Variants in OPN5 observed in about 807,000 individuals in gnomAD.
OPN5 encodes opsin-5.
OPN5 carries 18 observed loss-of-function variants against 41.7 expected under a neutral mutation model. The observed-to-expected ratio is 0.43, with a 90% confidence interval of 0.30 to 0.64. OPN5 has a LOEUF of 0.64. Ranked by LOEUF, OPN5 falls within the 30% of genes least tolerant of loss-of-function variation. The pLI is 0.13. For missense variants in OPN5, 318 were observed against 434.5 expected, an observed-to-expected ratio of 0.73 and a Z score of 2.38; for synonymous variants, 178 against 164.3, an observed-to-expected ratio of 1.08 and a Z score of -0.64.
chr6:47,802,976 T>G (rs905568816), intron 4 of OPN5, among the ~76,000 whole-genome samples: 2 of 152,172 alleles, frequency 1.3e-5, no homozygotes, highest in South Asian at 4.1e-4. Flanking sequence ...TTTTTTGAAG[T>G]ATGAATTCAT....
chr6:47,803,360 C>G (rs1446949061), intron 4 of OPN5, among the ~76,000 whole-genome samples: 1 of 152,098 alleles, frequency 6.6e-6, no homozygotes, highest in Non-Finnish European at 1.5e-5. Context: ...GAATTACTGT[C>G]TTTTAATATT....
chr6:47,826,232 C>T (rs1188059864), downstream of OPN5: 3 of 152,102 alleles, frequency 2.0e-5, no homozygotes, highest in African/African-American at 7.2e-5. Flanking sequence ...TTCCCCATCT[C>T]TCCCCATTAT....
intron 4 of OPN5, among the ~76,000 whole-genome samples, chr6:47,802,278 G>C (rs966187334): frequency 2.0e-5 from 3 of 152,082 alleles, no homozygotes; most frequent in African/African-American, 7.2e-5. Context: ...ATCAGAACCA[G>C]TTCTCAGTCA....
At chr6:47,788,232 G>A (rs1425883435) in intron 2 of OPN5, among the ~76,000 whole-genome samples, 1 of 152,214 alleles carries the variant, frequency 6.6e-6, no homozygotes, top group Admixed American at 6.5e-5. Context: ...ACGCGATGGC[G>A]CTGTCGCAAC....
chr6:47,787,465 TA>T (rs1349700823), intron 2 of OPN5, among the ~76,000 whole-genome samples: 1 of 152,248 alleles, frequency 6.6e-6, no homozygotes, highest in Non-Finnish European at 1.5e-5. Context: ...AGATGGACTC[TA>T]ATCTGTCTTT....
intron 4 of OPN5, 57 bp from the exon 5 acceptor site, chr6:47,808,097 G>T: frequency 6.3e-7 from 1 of 1,589,898 alleles, no homozygotes; most frequent in South Asian, 1.1e-5. Flanking sequence ...CATCGTTTCA[G>T]ACTCATGTCC....
At chr6:47,787,914 GAT>G (rs1773242047) in intron 2 of OPN5, among the ~76,000 whole-genome samples, 2 of 152,038 alleles carry the variant, frequency 1.3e-5, no homozygotes, top group South Asian at 4.1e-4. Flanking sequence ...AGAGTTTTCC[GAT>G]ATTTGTTTCT....
intron 6 of OPN5, among the ~76,000 whole-genome samples, chr6:47,812,051 G>T (rs1774226933): frequency 6.6e-6 from 1 of 152,164 alleles, no homozygotes; most frequent in Admixed American, 6.6e-5. Context: ...ATATTAGGGG[G>T]TTATTTAATT....
exon 7 of OPN5, chr6:47,824,215 A>G: frequency 1.8e-6 from 1 of 568,990 alleles, no homozygotes; most frequent in South Asian, 2.5e-5. Context: ...CAGAGTTATA[A>G]CTAAAGAGTG....
intron 4 of OPN5, among the ~76,000 whole-genome samples, chr6:47,803,155 G>A (rs933451964): frequency 2.0e-5 from 3 of 152,074 alleles, no homozygotes; most frequent in African/African-American, 7.2e-5. Flanking sequence ...CACACTCAAA[G>A]CTGTCAAATT....
chr6:47,790,395 C>T (rs73469763), intron 2 of OPN5, among the ~76,000 whole-genome samples: 2 of 146,732 alleles, frequency 1.4e-5, no homozygotes, highest in Non-Finnish European at 3.0e-5. Flanking sequence ...AGGGGACACT[C>T]TCTCTCTCTT....
chr6:47,796,608 CCAAT>C (rs1263381798), intron 4 of OPN5, among the ~76,000 whole-genome samples: 1 of 151,812 alleles, frequency 6.6e-6, no homozygotes, highest in African/African-American at 2.4e-5. Flanking sequence ...TTCCTGTATC[CCAAT>C]CAATCACGTT....
At chr6:47,792,108 T>A in intron 3 of OPN5, 136 bp downstream of exon 3, 1 of 639,634 alleles carries the variant, frequency 1.6e-6, no homozygotes, top group Non-Finnish European at 2.7e-6. Flanking sequence ...ATTTATAGCC[T>A]ATCATCTTGT....
Position 47,795,573 on chromosome 6 carries a change from C to G in OPN5, c.756+10C>G. On this transcript the variant is annotated intron_variant, in intron 4 of 6. Coordinates refer to ENST00000371211, the Ensembl canonical transcript of OPN5. ...AATGAAACTGACAAAGGTAAGTGCA[C>G]TAATATTTTACACATGTGTTTTCTG... 1 of 1,593,686 alleles carries G rather than the reference C, an allele frequency of 6.3e-7. No individual in the cohort carries two copies. The highest frequency in any genetic ancestry group is 8.6e-7 in the Non-Finnish European group (1 of 1,161,978).
At chr6:47,795,503 A>G in exon 4 of OPN5, 1 of 1,614,186 alleles carries the variant, frequency 6.2e-7, no homozygotes. Flanking sequence ...CTTCCAAAGA[A>G]GTAGCTCATT....
At chr6:47,782,139 G>T (rs1392535084) in exon 1 of OPN5, 1 of 1,613,696 alleles carries the variant, frequency 6.2e-7, no homozygotes, top group South Asian at 1.1e-5. Context: ...GGATCCTTTT[G>T]CTTCCAAACT....
At chr6:47,785,967 G>A (rs2396840) in intron 1 of OPN5, among the ~76,000 whole-genome samples, 124,489 of 152,098 alleles carry the variant, frequency 0.82, 51,111 homozygotes, top group East Asian at 0.93. Context: ...CCAAAGAGGC[G>A]GAAGTCCTGG....
chr6:47,786,373 CTTAAT>C (rs1385988798), intron 1 of OPN5, 137 bp from the exon 2 acceptor site: 9 of 621,450 alleles, frequency 1.4e-5, no homozygotes, highest in Non-Finnish European at 2.5e-5. Context: ...ATTTCATCTT[CTTAAT>C]TTAGATTTTT....
intron 5 of OPN5, 22 bp from the exon 6 acceptor site, chr6:47,811,652 A>AT: frequency 6.3e-7 from 1 of 1,587,210 alleles, no homozygotes; most frequent in Non-Finnish European, 8.6e-7. Context: ...ATTAAATTGC[A>AT]TTTTTCTTCT....
Sources: allele counts gnomAD v4.1 joint callset (sites outside exome capture counted in the v4.1 genomes callset), GRCh38; gene constraint gnomAD v4.1.1; transcripts MANE v1.5; gene names NCBI Gene and HGNC (gene_info 2026-07-23, HGNC 2026-07-21).